GRIA4: variants seen among roughly 807,000 people sequenced by gnomAD.
GRIA4 encodes glutamate ionotropic receptor AMPA type subunit 4, also known as glutamate receptor 4.
A neutral mutation model predicts 104.0 loss-of-function variants in GRIA4; 34 were observed. The observed-to-expected ratio is 0.33, with a 90% CI of 0.25 to 0.44. GRIA4 has a LOEUF of 0.44. Among genes scored for constraint, GRIA4 ranks in the 20% least tolerant of loss-of-function variants. The pLI, the probability that GRIA4 is intolerant of heterozygous loss-of-function variation, is 1.00. For synonymous variants in GRIA4, 386 were observed against 381.9 expected (o/e 1.01, Z -0.13); for missense variants, 750 against 1,096.5 (o/e 0.68, Z 4.46).
chr11:105,905,611 A>C (rs1483279596), intron 9 of GRIA4, among the ~76,000 whole-genome samples: 6 of 152,232 alleles, frequency 3.9e-5, no homozygotes, highest in African/African-American at 7.2e-5. Context: ...GCAGAAGAGA[A>C]CACGAAGCAG....
intron 4 of GRIA4, among the ~76,000 whole-genome samples, chr11:105,820,410 A>G (rs559119101): frequency 6.6e-6 from 1 of 152,136 alleles, no homozygotes; most frequent in Admixed American, 6.6e-5. Context: ...TTCCTCAAAC[A>G]TGCCAGTCAT....
At chr11:105,655,469 C>T (rs1287776555) in intron 3 of GRIA4, among the ~76,000 whole-genome samples, 1 of 152,114 alleles carries the variant, frequency 6.6e-6, no homozygotes, top group East Asian at 1.9e-4. Context: ...GGTATTTCTT[C>T]TAATGCTCTC....
At chr11:105,850,709 T>C (rs1944776852) in intron 4 of GRIA4, among the ~76,000 whole-genome samples, 2 of 152,090 alleles carry the variant, frequency 1.3e-5, no homozygotes, top group South Asian at 4.1e-4. Context: ...CAGAGACATT[T>C]GGGGAGGGGA....
chr11:105,837,150 C>T (rs1944223699), intron 4 of GRIA4, among the ~76,000 whole-genome samples: 2 of 152,088 alleles, frequency 1.3e-5, no homozygotes, highest in Non-Finnish European at 2.9e-5. Context: ...TTAGAACTTA[C>T]TCACTATGAC....
At chr11:105,790,912 G>T (rs1942186641) in intron 4 of GRIA4, among the ~76,000 whole-genome samples, 1 of 152,104 alleles carries the variant, frequency 6.6e-6, no homozygotes, top group Non-Finnish European at 1.5e-5. Context: ...CTGCCCTGAA[G>T]AACCTTGGCT....
At chr11:105,811,349 A>G in intron 4 of GRIA4, among the ~76,000 whole-genome samples, 1 of 152,128 alleles carries the variant, frequency 6.6e-6, no homozygotes, top group Admixed American at 6.5e-5. Flanking sequence ...AGACAGAGAG[A>G]CCTCTAATCC....
At chr11:105,928,994 T>C (rs1157233628) in intron 13 of GRIA4, among the ~76,000 whole-genome samples, 1 of 152,080 alleles carries the variant, frequency 6.6e-6, no homozygotes, top group Non-Finnish European at 1.5e-5. Context: ...AGTTTTTAAA[T>C]TGGAAGATTT....
chr11:105,748,630 G>A (rs890966388), intron 3 of GRIA4, among the ~76,000 whole-genome samples: 1 of 151,936 alleles, frequency 6.6e-6, no homozygotes, highest in Admixed American at 6.6e-5. Flanking sequence ...TGATCCGCCC[G>A]CCTTGGCCTC....
At chr11:105,934,828 G>A (rs1947985273) in intron 14 of GRIA4, among the ~76,000 whole-genome samples, 1 of 152,094 alleles carries the variant, frequency 6.6e-6, no homozygotes, top group South Asian at 2.1e-4. Flanking sequence ...CTGTTGAATT[G>A]ATGGGGCTGG....
chr11:105,810,612 G>A (rs894446895), intron 4 of GRIA4, among the ~76,000 whole-genome samples: 1 of 152,120 alleles, frequency 6.6e-6, no homozygotes, highest in African/African-American at 2.4e-5. Flanking sequence ...CTTGATGATG[G>A]GTTAGGGGGA....
At chr11:105,892,065 A>C (rs1011757353) in intron 6 of GRIA4, among the ~76,000 whole-genome samples, 2 of 152,162 alleles carry the variant, frequency 1.3e-5, no homozygotes, top group African/African-American at 4.8e-5. Context: ...TCTCAAAGAA[A>C]AGTTTGAAGC....
intron 3 of GRIA4, among the ~76,000 whole-genome samples, chr11:105,742,129 C>G (rs1207805021): frequency 6.6e-6 from 1 of 152,038 alleles, no homozygotes; most frequent in Admixed American, 6.6e-5. Flanking sequence ...ATAAAATAAG[C>G]CTAGTTCCTT....
chr11:105,979,982 T>G lies in GRIA4; in HGVS notation c.*243T>G. The stretch of plus-strand genomic sequence containing the variant: ...ATTGAGGTTTTTTTCGGGGAGTGGG[T>G]GGGGGAGGGATCTGGGATGGGTGTA... On this transcript the variant is annotated 3_prime_UTR_variant, in exon 17 of 17. Coordinates refer to ENST00000282499, the MANE Select transcript of GRIA4 (RefSeq NM_000829.4). 2.3e-5 allele frequency: 9 copies of G among 391,598 alleles called. No homozygotes were observed. The highest frequency in any genetic ancestry group is 3.8e-5 in the Non-Finnish European group (8 of 211,946). The allele number at this position is 391,598 out of a possible 1,614,324, so 24.3% of individuals were successfully genotyped here.
chr11:105,824,707 T>A (rs1402318509), intron 4 of GRIA4: 1 of 152,106 alleles, frequency 6.6e-6, no homozygotes, highest in Admixed American at 6.6e-5. Flanking sequence ...GAAAACAGAA[T>A]GTGCATAAAT....
intron 3 of GRIA4, among the ~76,000 whole-genome samples, chr11:105,668,132 T>A (rs556553304): frequency 6.7e-6 from 1 of 150,374 alleles, no homozygotes; most frequent in East Asian, 2.0e-4. Flanking sequence ...GCATTCCAAG[T>A]TCATCCATAT....
At chr11:105,958,333 T>C (rs1175657657) in intron 14 of GRIA4, among the ~76,000 whole-genome samples, 1 of 152,212 alleles carries the variant, frequency 6.6e-6, no homozygotes, top group Admixed American at 6.5e-5. Context: ...GGCTGTTGAA[T>C]TTTGGTCAAA....
chr11:105,662,890 A>G lies in GRIA4; in HGVS notation c.247+50456A>G, dbSNP rs543659294. On this transcript the variant is annotated intron_variant, in intron 3 of 16. Coordinates refer to ENST00000282499, the MANE Select transcript of GRIA4 (RefSeq NM_000829.4). ...GGGCCCTCTGTGTTCTTTAAACTCCATATGTAGACATCATTGTAGCGACAC... is the reference window on the plus strand; with the variant it reads ...GGGCCCTCTGTGTTCTTTAAACTCCGTATGTAGACATCATTGTAGCGACAC... 8.6e-5 allele frequency among the ~76,000 whole-genome samples: 13 copies of G among 152,022 alleles called. No individual in the cohort carries two copies. In the South Asian group the frequency reaches 2.7e-3, roughly 32 times the overall value.
At chr11:105,838,091 T>A (rs1944260898) in intron 4 of GRIA4, among the ~76,000 whole-genome samples, 1 of 152,134 alleles carries the variant, frequency 6.6e-6, no homozygotes, top group Admixed American at 6.6e-5. Flanking sequence ...CAATGCTCAA[T>A]AAAAGAAGAT....
chr11:105,854,471 C>T (rs991780254), intron 4 of GRIA4, among the ~76,000 whole-genome samples: 1 of 152,066 alleles, frequency 6.6e-6, no homozygotes, highest in African/African-American at 2.4e-5. Flanking sequence ...TATAAAGGAG[C>T]AATTGGAGAG....
Sources: allele counts gnomAD v4.1 joint callset (sites outside exome capture counted in the v4.1 genomes callset), GRCh38; gene constraint gnomAD v4.1.1; transcripts MANE v1.5; gene names NCBI Gene and HGNC (gene_info 2026-07-23, HGNC 2026-07-21).